SOX6: variants seen among roughly 807,000 people sequenced by gnomAD.
SOX6 encodes SRY-box transcription factor 6, also known as transcription factor SOX-6.
Under a neutral mutation model 97.8 loss-of-function variants are expected in SOX6, and 11 were observed. The observed-to-expected ratio is 0.11, with a 90% CI of 0.07 to 0.19. The LOEUF is 0.19. Ranked by LOEUF, SOX6 falls within the 10% of genes least tolerant of loss-of-function variation. The probability of loss-of-function intolerance (pLI) is 1.00; values close to 1 mark genes in which losing one functional copy is unlikely to be tolerated. For synonymous variants in SOX6, 360 were observed against 371.4 expected, an observed-to-expected ratio of 0.97 and a Z score of 0.35; for missense variants, 810 against 1,039.5, an observed-to-expected ratio of 0.78 and a Z score of 3.04.
chr11:16,339,522 C>T (rs1428076152), intron 2 of SOX6, among the ~76,000 whole-genome samples: 1 of 152,020 alleles, frequency 6.6e-6, no homozygotes, highest in Non-Finnish European at 1.5e-5. Flanking sequence ...CATTCCTAAC[C>T]ATTTATTCTA....
intron 4 of SOX6, among the ~76,000 whole-genome samples, chr11:16,215,014 C>T (rs541216191): frequency 1.3e-5 from 2 of 152,266 alleles, no homozygotes; most frequent in Non-Finnish European, 2.9e-5. Context: ...TCCCAAAGTG[C>T]TGGGATTACA....
intron 4 of SOX6, among the ~76,000 whole-genome samples, chr11:16,196,105 T>C (rs1389027192): frequency 6.6e-6 from 1 of 152,204 alleles, no homozygotes; most frequent in Non-Finnish European, 1.5e-5. Flanking sequence ...CTTCATACAA[T>C]AATAATAGCT....
At chr11:16,191,166 G>T (rs1447471299) in intron 4 of SOX6, among the ~76,000 whole-genome samples, 1 of 152,128 alleles carries the variant, frequency 6.6e-6, no homozygotes, top group Non-Finnish European at 1.5e-5. Context: ...ATAGAAAATA[G>T]TATATTGGCC....
intron 3 of SOX6, among the ~76,000 whole-genome samples, chr11:16,698,917 A>G (rs1437422920): frequency 6.6e-6 from 1 of 152,254 alleles, no homozygotes; most frequent in Non-Finnish European, 1.5e-5. Context: ...TGTAAGAGAT[A>G]TAACAATAAT....
intron 4 of SOX6, 27 bp downstream of exon 4, chr11:16,234,555 A>G: frequency 2.3e-6 from 3 of 1,303,122 alleles, no homozygotes; most frequent in Middle Eastern, 1.8e-4. Flanking sequence ...CACTGCATTG[A>G]CATGTTCGAT....
At chr11:16,330,892 G>A (rs1244452281) in intron 2 of SOX6, among the ~76,000 whole-genome samples, 2 of 152,012 alleles carry the variant, frequency 1.3e-5, no homozygotes, top group Non-Finnish European at 2.9e-5. Flanking sequence ...GGTAACTTGT[G>A]TTCCCTCTAA....
intron 3 of SOX6, among the ~76,000 whole-genome samples, chr11:16,247,823 CACA>C (rs1402219355): frequency 2.0e-5 from 3 of 152,080 alleles, no homozygotes; most frequent in Non-Finnish European, 4.4e-5. Flanking sequence ...CATTTCAAAA[CACA>C]ACAATGCCCT....
At chr11:16,171,490 T>C (rs903526430) in intron 6 of SOX6, among the ~76,000 whole-genome samples, 44 of 152,176 alleles carry the variant, frequency 2.9e-4, no homozygotes, top group African/African-American at 1.0e-3. Flanking sequence ...CATCAGACTC[T>C]TTTACATTCA....
At chr11:16,612,351 TA>T (rs1848408240) in intron 3 of SOX6, 1 of 152,170 alleles carries the variant, frequency 6.6e-6, no homozygotes, top group Non-Finnish European at 1.5e-5. Context: ...AAACTGTGCA[TA>T]GTCTCTAAGG....
At chr11:16,073,977 C>A (rs530213898) in intron 9 of SOX6, among the ~76,000 whole-genome samples, 1 of 152,088 alleles carries the variant, frequency 6.6e-6, no homozygotes, top group Non-Finnish European at 1.5e-5. Context: ...TAAATGCCCA[C>A]ATCAAAAAGT....
chr11:16,558,480 AC>A (rs1847773461), intron 4 of SOX6, among the ~76,000 whole-genome samples: 1 of 152,062 alleles, frequency 6.6e-6, no homozygotes, highest in South Asian at 2.1e-4. Context: ...GAAGCTATTC[AC>A]TATGAACTAC....
At chr11:16,331,407 T>C (rs1425720867) in intron 2 of SOX6, among the ~76,000 whole-genome samples, 2 of 152,118 alleles carry the variant, frequency 1.3e-5, no homozygotes, top group African/African-American at 4.8e-5. Flanking sequence ...AGAGAACAGA[T>C]TGCTTTATGT....
chr11:16,622,625 T>G (rs1848561536), intron 3 of SOX6, among the ~76,000 whole-genome samples: 1 of 152,238 alleles, frequency 6.6e-6, no homozygotes, highest in Non-Finnish European at 1.5e-5. Flanking sequence ...CTGAGTAGTA[T>G]TCCATCATAT....
chr11:16,459,668 ACTAT>A (rs1859881776), intron 1 of SOX6, among the ~76,000 whole-genome samples: 2 of 152,106 alleles, frequency 1.3e-5, no homozygotes, highest in Non-Finnish European at 1.5e-5. Context: ...ATGAAAACAG[ACTAT>A]CTGAGATGAA....
intron 6 of SOX6, among the ~76,000 whole-genome samples, chr11:16,117,253 T>C (rs112021368): frequency 0.018 from 2,715 of 151,700 alleles, 76 homozygotes; most frequent in African/African-American, 0.062. Context: ...CTCGGGAGGC[T>C]GAGGCAGGAG....
At chr11:16,068,844 T>C (rs1428819301) in intron 9 of SOX6, among the ~76,000 whole-genome samples, 1 of 152,238 alleles carries the variant, frequency 6.6e-6, no homozygotes, top group Non-Finnish European at 1.5e-5. Flanking sequence ...GTGCAAATTA[T>C]GGAATTTCTT....
chr11:16,677,778 T>A (rs369784564), intron 3 of SOX6, among the ~76,000 whole-genome samples: 58 of 152,296 alleles, frequency 3.8e-4, no homozygotes, highest in African/African-American at 1.3e-3. Flanking sequence ...CTGATTAGTA[T>A]TATTTCTCCT....
intron 3 of SOX6, among the ~76,000 whole-genome samples, chr11:16,637,487 G>T (rs2134000780): frequency 6.6e-6 from 1 of 152,270 alleles, no homozygotes; most frequent in East Asian, 1.9e-4. Context: ...CCAAAGTGCT[G>T]GGATTACAGG....
chr11:16,116,131 C>A (rs760103858), intron 6 of SOX6, among the ~76,000 whole-genome samples: 4 of 151,982 alleles, frequency 2.6e-5, no homozygotes, highest in Non-Finnish European at 5.9e-5. Context: ...TAGACTCTAG[C>A]CTGAGAAAAG....
Sources: gnomAD v4.1 joint callset for allele counts (sites outside exome capture counted in the v4.1 genomes callset) on GRCh38, gnomAD v4.1.1 for gene constraint, MANE v1.5 for transcripts, NCBI Gene and HGNC (gene_info 2026-07-23, HGNC 2026-07-21) for gene names.